TMEFF1: variants seen among roughly 807,000 people sequenced by gnomAD.
TMEFF1 encodes the protein tomoregulin-1.
TMEFF1 carries 20 observed loss-of-function variants against 47.5 expected under a neutral mutation model. The observed-to-expected ratio is 0.42, with a 90% CI of 0.30 to 0.61. The LOEUF (loss-of-function observed/expected upper bound fraction) is 0.61, where lower values mean the gene tolerates loss of function less well. TMEFF1 is among the 20% of genes least tolerant of loss of function. TMEFF1 has a pLI of 0.19. For missense variants in TMEFF1, 411 were observed against 471.1 expected (o/e 0.87, Z 1.18); for synonymous variants, 162 against 166.3 (o/e 0.97, Z 0.20).
At chr9:100,528,114 A>T (rs1032213849) in intron 5 of TMEFF1, among the ~76,000 whole-genome samples, 80 of 151,206 alleles carry the variant, frequency 5.3e-4, no homozygotes, top group Non-Finnish European at 8.8e-4. Context: ...CAAAGACCAA[A>T]AGTAGATAAA....
At chr9:100,550,723 A>C (rs1838815705) in intron 7 of TMEFF1, among the ~76,000 whole-genome samples, 1 of 152,204 alleles carries the variant, frequency 6.6e-6, no homozygotes, top group Admixed American at 6.5e-5. Context: ...CCTCTAGGCT[A>C]TGAGTTCTGT....
chr9:100,526,396 C>T (rs1838253599), intron 5 of TMEFF1, among the ~76,000 whole-genome samples: 3 of 152,148 alleles, frequency 2.0e-5, no homozygotes, highest in South Asian at 4.1e-4. Context: ...ACTCCTGTTA[C>T]GTGAATGTTG....
intron 5 of TMEFF1, among the ~76,000 whole-genome samples, chr9:100,528,021 G>A (rs1838300146): frequency 6.6e-6 from 1 of 152,094 alleles, no homozygotes; most frequent in African/African-American, 2.4e-5. Flanking sequence ...CAGACCTGCA[G>A]CTGAGCGTCC....
intron 1 of TMEFF1, among the ~76,000 whole-genome samples, chr9:100,495,040 T>G (rs1357139762): frequency 6.6e-6 from 1 of 152,160 alleles, no homozygotes; most frequent in African/African-American, 2.4e-5. Context: ...ATGAGAAGTT[T>G]TTTTTGTTGA....
At chr9:100,538,386 G>A (rs750152662) in intron 5 of TMEFF1, among the ~76,000 whole-genome samples, 2 of 152,152 alleles carry the variant, frequency 1.3e-5, no homozygotes, top group South Asian at 2.1e-4. Flanking sequence ...ACAGTCGTCT[G>A]TCAGTATTTG....
At chr9:100,512,004 G>A (rs140942037) in intron 3 of TMEFF1, among the ~76,000 whole-genome samples, 339 of 152,148 alleles carry the variant, frequency 2.2e-3, no homozygotes, top group African/African-American at 7.7e-3. Flanking sequence ...AAAAAAGATT[G>A]GGAGTAGTAT....
Position 100,500,122 on chromosome 9 carries a change from C to A in TMEFF1, c.306+1248C>A, listed in dbSNP as rs140807381. Among the ~76,000 whole-genome samples, 217 of 152,292 alleles carry A rather than the reference C, an allele frequency of 1.4e-3. 1 individual carries two copies. Among genetic ancestry groups the A allele is most frequent in the African/African-American group, 4.8e-3 (200 of 41,568 alleles). ...GCATAGCATGGAAGGTGACTTTAGC[C>A]AGAATGAAATGAGAAGTCGGTGATA... On this transcript the variant is annotated intron_variant, in intron 2 of 9. Coordinates refer to ENST00000374879, the MANE Select transcript of TMEFF1 (RefSeq NM_003692.5).
At chr9:100,488,948 A>C (rs1004337002) in intron 1 of TMEFF1, among the ~76,000 whole-genome samples, 3 of 152,162 alleles carry the variant, frequency 2.0e-5, no homozygotes, top group African/African-American at 7.2e-5. Flanking sequence ...AGCATGTTAA[A>C]GTATACAATT....
chr9:100,558,897 A>T (rs1371016824), intron 7 of TMEFF1, among the ~76,000 whole-genome samples: 2 of 152,050 alleles, frequency 1.3e-5, no homozygotes, highest in African/African-American at 4.8e-5. Context: ...CCTCAAAACA[A>T]CCCTACAAGA....
chr9:100,518,510 G>A, intron 5 of TMEFF1: 1 of 985,402 alleles, frequency 1.0e-6, no homozygotes, highest in Non-Finnish European at 1.2e-6. Flanking sequence ...GCAGGCTAAG[G>A]AGCACATAGA....
chr9:100,504,942 A>T (rs1024016106), intron 2 of TMEFF1, among the ~76,000 whole-genome samples: 2 of 152,344 alleles, frequency 1.3e-5, no homozygotes, highest in African/African-American at 2.4e-5. Context: ...AAATTAACCT[A>T]CATAAACACA....
chr9:100,555,350 G>A (rs973150962), intron 7 of TMEFF1, among the ~76,000 whole-genome samples: 2 of 152,164 alleles, frequency 1.3e-5, no homozygotes, highest in Admixed American at 1.3e-4. Context: ...CCGAAACCAT[G>A]TTATGTTACA....
At chr9:100,542,130 T>C (rs1838645535) in intron 5 of TMEFF1, among the ~76,000 whole-genome samples, 1 of 152,114 alleles carries the variant, frequency 6.6e-6, no homozygotes, top group South Asian at 2.1e-4. Context: ...ATTTTTTTTT[T>C]CTCTAGTAGT....
chr9:100,558,798 T>G (rs1287035682), intron 7 of TMEFF1, among the ~76,000 whole-genome samples: 2 of 152,094 alleles, frequency 1.3e-5, no homozygotes. Flanking sequence ...TAATACTTAT[T>G]TATTAAGTAC....
At chr9:100,557,855 T>C (rs1838944392) in intron 7 of TMEFF1, among the ~76,000 whole-genome samples, 1 of 151,806 alleles carries the variant, frequency 6.6e-6, no homozygotes, top group African/African-American at 2.4e-5. Flanking sequence ...TAATATCCTC[T>C]GTAGCTTAGC....
chr9:100,572,655 C>T lies in TMEFF1; in HGVS notation c.1037C>T (p.Ala346Val). 1 of 1,610,290 alleles carries T rather than the reference C, an allele frequency of 6.2e-7. No individual in the cohort carries two copies. The highest frequency in any genetic ancestry group is 8.5e-7 in the Non-Finnish European group (1 of 1,178,806). The change falls in exon 9 of 10, where the codon GCA (alanine) becomes GTA (valine). Residue 346 changes from alanine to valine, a missense_variant. By Grantham distance (64) the Ala-to-Val change is moderately conservative (BLOSUM62 0). Transcript: ENST00000374879. Reference protein sequence around the residue: ...IGAVQIAIIVAIVMCITRKCP... With the variant: ...IGAVQIAIIVVIVMCITRKCP... ...GCTGTACAGATTGCCATCATAGTAGCAATTGTAATGTGCATAACAAGGTAG... is the reference window on the plus strand; with the variant it reads ...GCTGTACAGATTGCCATCATAGTAGTAATTGTAATGTGCATAACAAGGTAG...
intron 3 of TMEFF1, among the ~76,000 whole-genome samples, chr9:100,512,507 A>G (rs576859343): frequency 1.3e-5 from 2 of 152,176 alleles, no homozygotes; most frequent in Non-Finnish European, 2.9e-5. Flanking sequence ...GGCAAGTGCT[A>G]GATAAAGCAT....
chr9:100,567,410 C>G (rs1839145518), intron 8 of TMEFF1, among the ~76,000 whole-genome samples: 1 of 152,166 alleles, frequency 6.6e-6, no homozygotes, highest in African/African-American at 2.4e-5. Flanking sequence ...TCGCAGTTTC[C>G]CTTAACACCT....
chr9:100,543,571 G>A (rs991308586), intron 5 of TMEFF1, among the ~76,000 whole-genome samples: 55 of 152,060 alleles, frequency 3.6e-4, no homozygotes, highest in African/African-American at 1.3e-3. Flanking sequence ...AGAGAAGATT[G>A]CATCTGCTTC....
Sources: gnomAD v4.1 joint callset for allele counts (sites outside exome capture counted in the v4.1 genomes callset) on GRCh38, gnomAD v4.1.1 for gene constraint, MANE v1.5 for transcripts, NCBI Gene and HGNC (gene_info 2026-07-23, HGNC 2026-07-21) for gene names.